The following MNT variants were observed in gnomAD, a reference collection of about 807,000 sequenced individuals.
MNT encodes max-binding protein MNT.
A neutral mutation model predicts 40.7 loss-of-function variants in MNT; 13 were observed. The observed-to-expected ratio is 0.32, with a 90% CI of 0.21 to 0.51. The LOEUF (loss-of-function observed/expected upper bound fraction) is 0.51. MNT is among the 20% of genes least tolerant of loss of function. The pLI, the probability that MNT is intolerant of heterozygous loss-of-function variation, is 0.98. For missense variants in MNT, 757 were observed against 792.0 expected (o/e 0.96, Z 0.53); for synonymous variants, 426 against 354.8 (o/e 1.20, Z -2.26).
chr17:2,400,785 G>A lies in MNT; in HGVS notation c.-73C>T. ...CGAGCCGGGCACAGGTCAGGCTGGC[G>A]GGCAGGCAGGAGGGAGGGATCACCT... On this transcript the variant is annotated 5_prime_UTR_variant, in exon 1 of 6. Transcript: ENST00000174618. The A allele has an allele frequency of 7.4e-7, 1 of 1,358,700 alleles. No homozygotes were observed. The highest frequency in any genetic ancestry group is 1.5e-5 in the South Asian group (1 of 68,170). The allele number at this position is 1,358,700 out of a possible 1,614,324, so 84.2% of individuals were successfully genotyped here. A position where few individuals can be genotyped will look rare whatever the true frequency, so the allele number is the denominator to read the frequency against.
In MNT at chr17:2,400,632, C is replaced by G; in HGVS notation, c.73+8G>C. On this transcript the variant is annotated splice_region_variant and intron_variant, in intron 1 of 5. Coordinates refer to ENST00000174618, the MANE Select transcript of MNT (RefSeq NM_020310.3). ...CCAGTGCCCCAGGGGCCCAGCCCGGCCGCTCACCACGTGCTCTCTGTTGTT... is the reference window on the plus strand; with the variant it reads ...CCAGTGCCCCAGGGGCCCAGCCCGGGCGCTCACCACGTGCTCTCTGTTGTT... 6.3e-7 allele frequency: 1 copy of G among 1,578,146 alleles called. No individual in the cohort carries two copies.
intron 2 of MNT, 35 bp from the exon 3 acceptor site, chr17:2,394,381 G>C (rs1567868788): frequency 6.2e-7 from 1 of 1,613,116 alleles, no homozygotes; most frequent in Non-Finnish European, 8.5e-7. Flanking sequence ...TCAGGGAGGA[G>C]GACTCGATTA....
intron 4 of MNT, 100 bp from the exon 5 acceptor site, chr17:2,388,149 G>T: frequency 8.3e-7 from 1 of 1,200,110 alleles, no homozygotes; most frequent in Non-Finnish European, 1.2e-6. Context: ...ACAGAGGCAA[G>T]TCCGTGGCAA....
rs1275310963 is a variant in MNT at position 2,401,005 on chromosome 17, T to C, written c.-293A>G. 1.1e-5 allele frequency: 3 copies of C among 271,788 alleles called. No homozygotes were observed. Among genetic ancestry groups the C allele is most frequent in the African/African-American group, 2.4e-5 (1 of 41,490 alleles). The allele number at this position is 271,788 out of a possible 1,614,324, so 16.8% of individuals were successfully genotyped here. ...CCCTCTCTACCTCCCTTCCGATGCC[T>C]CCCGCCCCGCGGCCCCCGGGAGTCC... On this transcript the variant is annotated 5_prime_UTR_variant, in exon 1 of 6. Coordinates refer to ENST00000174618, the MANE Select transcript of MNT (RefSeq NM_020310.3).
intron 1 of MNT, among the ~76,000 whole-genome samples, chr17:2,395,900 G>GA (rs945361906): frequency 1.3e-5 from 2 of 152,084 alleles, no homozygotes; most frequent in African/African-American, 4.8e-5. Context: ...CACACCAGAG[G>GA]GGGGGGTGTG....
In MNT at chr17:2,394,860, C is replaced by G. The variant is rs2066562113; in HGVS notation, c.653+15G>C. The G allele has an allele frequency of 6.4e-7, 1 of 1,553,468 alleles. No individual in the cohort carries two copies. Among genetic ancestry groups the G allele is most frequent in the Admixed American group, 1.9e-5 (1 of 52,212 alleles). ...CCTATCCCCCACCAGCCCGACCCCG[C>G]CACACCCCACTCACCCCCCGGGCCT... is the stretch of plus-strand genomic sequence containing the variant. On this transcript the variant is annotated intron_variant, in intron 2 of 5. Coordinates refer to ENST00000174618, the MANE Select transcript of MNT (RefSeq NM_020310.3).
At chr17:2,393,053 G>C (rs1313514771) in intron 4 of MNT, among the ~76,000 whole-genome samples, 1 of 151,696 alleles carries the variant, frequency 6.6e-6, no homozygotes, top group Non-Finnish European at 1.5e-5. Context: ...GACCCTCCTC[G>C]CCACCCCTCC....
In MNT at chr17:2,401,023, G is replaced by A. The variant is rs1250936332; in HGVS notation, c.-311C>T. The A allele has an allele frequency of 3.8e-6, 1 of 262,118 alleles. No homozygotes were observed. Among genetic ancestry groups the A allele is most frequent in the Non-Finnish European group, 7.2e-6 (1 of 138,342 alleles). The allele number at this position is 262,118 out of a possible 1,614,324, so 16.2% of individuals were successfully genotyped here. A position where few individuals can be genotyped will look rare whatever the true frequency, so the allele number is the denominator to read the frequency against. On this transcript the variant is annotated 5_prime_UTR_variant, in exon 1 of 6. Transcript: ENST00000174618. ...CGATGCCTCCCGCCCCGCGGCCCCC[G>A]GGAGTCCCGCCGACAAGAAAGGGCT... is the stretch of plus-strand genomic sequence containing the variant.
intron 4 of MNT, among the ~76,000 whole-genome samples, chr17:2,393,115 A>T (rs2066537260): frequency 6.7e-6 from 1 of 150,356 alleles, no homozygotes; most frequent in Non-Finnish European, 1.5e-5. Flanking sequence ...GAGGATGGAC[A>T]GGGAGAGTCC....
In MNT at chr17:2,387,419, C is replaced by A; in HGVS notation, c.1231G>T (p.Ala411Ser). Reference sequence around the variant, plus strand: ...GGGGCAGCCGGTGGGGGAGGAGGGGCTGGCAGAGGGGTCTTCTGCTGTGGC... The same window carrying A: ...GGGGCAGCCGGTGGGGGAGGAGGGGATGGCAGAGGGGTCTTCTGCTGTGGC... The part of the protein sequence containing the change: ...QQPQQKTPLP[A>S]PPPPPAAPAQ... The change falls in exon 6 of 6, where the codon GCC (alanine) becomes TCC (serine). Residue 411 changes from alanine (A) to serine (S), a missense_variant. Ala to Ser is a moderately conservative substitution (Grantham distance 99). This residue lies in a region of MNT where 345 missense variants were observed against 380.1 expected (regional missense o/e 0.91). Transcript: ENST00000174618. 2 of 1,611,642 alleles carry A rather than the reference C, an allele frequency of 1.2e-6. No homozygotes were observed. The highest frequency in any genetic ancestry group is 1.7e-6 in the Non-Finnish European group (2 of 1,178,774).
In MNT at chr17:2,395,105, C is replaced by T. The variant is rs888655128; in HGVS notation, c.423G>A (p.Pro141=). 3 of 1,495,168 alleles carry T rather than the reference C, an allele frequency of 2.0e-6. No individual in the cohort carries two copies. The highest frequency in any genetic ancestry group is 1.4e-5 in the South Asian group (1 of 73,334). The allele number at this position is 1,495,168 out of a possible 1,614,324, so 92.6% of individuals were successfully genotyped here. The change falls in exon 2 of 6, where the codon CCG becomes CCA. Residue 141 remains proline, a synonymous_variant. Coordinates refer to ENST00000174618, the MANE Select transcript of MNT (RefSeq NM_020310.3). ...GTAGGGGAGCAGGGGTGGGCACCTG[C>T]GGCCTGCTGGGCAGGGGGGCAGGCT... is the stretch of plus-strand genomic sequence containing the variant. ...IKEPAPLPSR[P]QVPTPAPLLP...
In MNT at chr17:2,385,813, G is replaced by C. The variant is rs2066453098; in HGVS notation, c.*1088C>G. On this transcript the variant is annotated 3_prime_UTR_variant, in exon 6 of 6. Transcript: ENST00000174618. ...GCTTAGGGCTTGGCTAAGCCGCTGG[G>C]TTTTTACCTTCCTGATGTCTCAACG... 6.6e-6 allele frequency: 1 copy of C among 152,296 alleles called. No homozygotes were observed. The highest frequency in any genetic ancestry group is 2.1e-4 in the South Asian group (1 of 4,836). The allele number at this position is 152,296 out of a possible 1,614,324, so 9.4% of individuals were successfully genotyped here. A position where few individuals can be genotyped will look rare whatever the true frequency, so the allele number is the denominator to read the frequency against.
At chr17:2,388,078 C>A in intron 4 of MNT, 29 bp from the exon 5 acceptor site, 1 of 1,527,106 alleles carries the variant, frequency 6.5e-7, no homozygotes, top group Non-Finnish European at 8.8e-7. Context: ...GACAGCAGGA[C>A]ACCCTGAGCA....
chr17:2,393,025 C>T (rs1029012272), intron 4 of MNT, among the ~76,000 whole-genome samples: 3 of 152,066 alleles, frequency 2.0e-5, no homozygotes, highest in Admixed American at 6.5e-5. Context: ...CGCCCAGCGG[C>T]TGGCTCCTCG....
Position 2,387,349 on chromosome 17 carries a change from G to C in MNT, c.1301C>G (p.Ala434Gly), listed in dbSNP as rs762850436. The C allele has an allele frequency of 6.2e-7, 1 of 1,612,512 alleles. No individual in the cohort carries two copies. Among genetic ancestry groups the C allele is most frequent in the Non-Finnish European group, 8.5e-7 (1 of 1,179,522 alleles). The change falls in exon 6 of 6, where the codon GCT becomes GGT. Residue 434 changes from alanine to glycine, a missense_variant. This residue lies in a region of MNT where 345 missense variants were observed against 380.1 expected (regional missense o/e 0.91). Transcript: ENST00000174618. ...VPAPAHLVATAGGGSTVIAHT... is the reference protein window; with the variant it reads ...VPAPAHLVATGGGGSTVIAHT... ...GGCGATGACCGTGGAGCCACCCCCA[G>C]CCGTCGCCACCAGATGGGCTGGAGC...
rs2066557255 is a variant in MNT, at chr17:2,394,292, C to G, written c.695+13G>C. ...ACGCACGCACGCACACACACACACA[C>G]ACACACACACACCTGTTCTTCTCCA... On this transcript the variant is annotated intron_variant, in intron 3 of 5. Coordinates refer to ENST00000174618, the MANE Select transcript of MNT (RefSeq NM_020310.3). 6.2e-7 allele frequency: 1 copy of G among 1,612,860 alleles called. No individual in the cohort carries two copies. The highest frequency in any genetic ancestry group is 8.5e-7 in the Non-Finnish European group (1 of 1,179,790).
chr17:2,394,036 C>T lies in MNT; in HGVS notation c.807+7G>A. ...AGCTGCGCGACGCCGGCCTCCGGGC[C>T]CCATACCTGGATGTACCGCAGCGCC... On this transcript the variant is annotated splice_region_variant and intron_variant, in intron 4 of 5. Coordinates refer to ENST00000174618, the MANE Select transcript of MNT (RefSeq NM_020310.3). 1 of 1,581,998 alleles carries T rather than the reference C, an allele frequency of 6.3e-7. No individual in the cohort carries two copies. The highest frequency in any genetic ancestry group is 8.6e-7 in the Non-Finnish European group (1 of 1,165,950).
In MNT at chr17:2,400,716, G is replaced by C. The variant is rs776839449; in HGVS notation, c.-4C>G. 1 of 1,553,018 alleles carries C rather than the reference G, an allele frequency of 6.4e-7. No homozygotes were observed. The highest frequency in any genetic ancestry group is 1.4e-5 in the African/African-American group (1 of 70,122). ...CCAGTAGCGTCTCTATGCTCATCGCGCCGAGAGCTGCCGGGGGCGCGCCGG... is the reference window on the plus strand; with the variant it reads ...CCAGTAGCGTCTCTATGCTCATCGCCCCGAGAGCTGCCGGGGGCGCGCCGG... On this transcript the variant is annotated 5_prime_UTR_variant, in exon 1 of 6. Transcript: ENST00000174618.
At position 2,394,830 on chromosome 17, in the gene MNT, C is replaced by T. The variant is rs1381338109; in HGVS notation, c.653+45G>A. On this transcript the variant is annotated intron_variant, in intron 2 of 5. Transcript: ENST00000174618. ...TTGCACACAGCCCGGGGGATGGGCA[C>T]CTCTCCTATCCCCCACCAGCCCGAC... The T allele has an allele frequency of 7.0e-6, 10 of 1,429,806 alleles. No individual in the cohort carries two copies. In the Admixed American group the frequency reaches 1.4e-4, roughly 20 times the overall value. The allele number at this position is 1,429,806 out of a possible 1,614,324, so 88.6% of individuals were successfully genotyped here.
Sources: allele counts gnomAD v4.1 joint callset (sites outside exome capture counted in the v4.1 genomes callset), GRCh38; gene constraint gnomAD v4.1.1; regional missense constraint gnomAD v4.1.1; transcripts MANE v1.5; gene names NCBI Gene and HGNC (gene_info 2026-07-23, HGNC 2026-07-21).